SCG5: variants seen among roughly 807,000 people sequenced by gnomAD.
SCG5 encodes secretogranin V.
Under a neutral mutation model 25.7 loss-of-function variants are expected in SCG5, and 18 were observed. The ratio of observed to expected loss-of-function variants is 0.70; its 90% CI spans 0.48 to 1.04. The LOEUF is 1.04. SCG5 is among the 50% of genes least tolerant of loss of function. SCG5 has a pLI of 0.00. For synonymous variants in SCG5, 101 were observed against 91.7 expected (o/e 1.10, Z -0.58); for missense variants, 206 against 259.8 (o/e 0.79, Z 1.42).
intron 5 of SCG5, 104 bp downstream of exon 5, chr15:32,691,867 C>T (rs2140611179): frequency 6.5e-7 from 1 of 1,544,088 alleles, no homozygotes; most frequent in Middle Eastern, 1.7e-4. Flanking sequence ...CAGAATCCTC[C>T]CTTGTGTAGT....
intron 1 of SCG5, among the ~76,000 whole-genome samples, chr15:32,642,568 CAAAAAAAAAAA>C (rs11338067): frequency 6.0e-5 from 3 of 49,730 alleles, no homozygotes; most frequent in African/African-American, 2.5e-4. Flanking sequence ...AACTCCGTCT[CAAAAAAAAAAA>C]AAAAAAAAAA....
At chr15:32,686,275 T>C (rs910903990) in intron 4 of SCG5, among the ~76,000 whole-genome samples, 1 of 152,184 alleles carries the variant, frequency 6.6e-6, no homozygotes, top group African/African-American at 2.4e-5. Context: ...ACTGAAATAA[T>C]AAAAGCCTTC....
At chr15:32,674,783 G>C (rs1267186677) in intron 2 of SCG5, among the ~76,000 whole-genome samples, 1 of 152,200 alleles carries the variant, frequency 6.6e-6, no homozygotes, top group Non-Finnish European at 1.5e-5. Context: ...AACCTCAAAG[G>C]GATACGTACA....
intron 4 of SCG5, among the ~76,000 whole-genome samples, chr15:32,689,108 A>G (rs2054792921): frequency 6.6e-6 from 1 of 152,154 alleles, no homozygotes; most frequent in Non-Finnish European, 1.5e-5. Flanking sequence ...TAGCTGCAAA[A>G]TGATGATTTT....
chr15:32,696,311 G>A (rs554209541), intron 5 of SCG5, among the ~76,000 whole-genome samples: 55 of 152,038 alleles, frequency 3.6e-4, no homozygotes, highest in Non-Finnish European at 7.1e-4. Context: ...TACAGACGGG[G>A]TTTCACCGTG....
chr15:32,692,219 A>T, intron 5 of SCG5: 1 of 996,036 alleles, frequency 1.0e-6, no homozygotes, highest in Non-Finnish European at 1.2e-6. Context: ...TCGGGAGCAA[A>T]AGATGAGATG....
chr15:32,674,262 C>G (rs1001467391), intron 2 of SCG5, among the ~76,000 whole-genome samples: 1 of 152,158 alleles, frequency 6.6e-6, no homozygotes, highest in Non-Finnish European at 1.5e-5. Context: ...TGAAACAGCA[C>G]GTTCTCTCTA....
intron 2 of SCG5, among the ~76,000 whole-genome samples, chr15:32,655,408 C>T (rs752318925): frequency 6.6e-5 from 10 of 152,148 alleles, no homozygotes; most frequent in Non-Finnish European, 1.2e-4. Flanking sequence ...ACCCATTTTC[C>T]CCTTTTCCTC....
At chr15:32,680,025 G>A (rs1417806751) in intron 3 of SCG5, 110 bp downstream of exon 3, 5 of 1,023,864 alleles carry the variant, frequency 4.9e-6, no homozygotes, top group Non-Finnish European at 7.2e-6. Context: ...CCATTCTGAT[G>A]AGCCCATGTG....
Position 32,643,658 on chromosome 15 carries a change from T to C in SCG5, c.66T>C (p.Thr22=), listed in dbSNP as rs1328871556. The part of the protein sequence containing the change: ...GLLFWLASGW[T]PAFAYSPRTP... ...TGTTTTGGCTGGCATCTGGATGGAC[T>C]CCAGCATTTGCTTACAGCCCCCGGA... The change falls in exon 2 of 6, where the codon ACT becomes ACC. Residue 22 remains threonine, a synonymous_variant. Transcript: ENST00000300175. 3 of 1,613,840 alleles carry C rather than the reference T, an allele frequency of 1.9e-6. No homozygotes were observed. Among genetic ancestry groups the C allele is most frequent in the African/African-American group, 2.7e-5 (2 of 74,900 alleles).
intron 2 of SCG5, chr15:32,672,952 A>G (rs752383583): frequency 1.3e-5 from 2 of 151,082 alleles, no homozygotes; most frequent in Non-Finnish European, 2.9e-5. Context: ...GTGACGAAGT[A>G]ACGCAGGTCC....
intron 2 of SCG5, among the ~76,000 whole-genome samples, chr15:32,663,990 ATCTC>A (rs2054280492): frequency 6.6e-6 from 1 of 152,210 alleles, no homozygotes; most frequent in South Asian, 2.1e-4. Flanking sequence ...GCTGGAAAAT[ATCTC>A]CCATGTGGTA....
rs146039834 is a variant in SCG5 at position 32,662,568 on chromosome 15, A to T, written c.227-17198A>T. On this transcript the variant is annotated intron_variant, in intron 2 of 5. Transcript: ENST00000300175. ...CTAATTTTTGTCTATCCACTTTAAG[A>T]TTTGTTTCTTTCCATTTTCACATGT... 4.6e-3 allele frequency among the ~76,000 whole-genome samples: 702 copies of T among 152,024 alleles called. 6 individuals are homozygous for T. The highest frequency in any genetic ancestry group is 0.016 in the African/African-American group (683 of 41,508).
chr15:32,687,844 G>A lies in SCG5; in HGVS notation c.489+3175G>A, dbSNP rs552827653. ...ACACATCATATGCCTTCCGGGCCCC[G>A]TGTTAGGTAATGGGAATACAAAGAT... On this transcript the variant is annotated intron_variant, in intron 4 of 5. Coordinates refer to ENST00000300175, the MANE Select transcript of SCG5 (RefSeq NM_001144757.3). Among the ~76,000 whole-genome samples, 6 of 152,254 alleles carry A rather than the reference G, an allele frequency of 3.9e-5. No homozygotes were observed. The South Asian group carries it at 8.3e-4, about 21-fold the overall frequency.
chr15:32,687,979 A>C (rs923340447), intron 4 of SCG5, among the ~76,000 whole-genome samples: 2 of 152,198 alleles, frequency 1.3e-5, no homozygotes, highest in Non-Finnish European at 2.9e-5. Context: ...CTAAATACTC[A>C]GTAATCTTAT....
At chr15:32,645,539 C>T (rs1002780589) in intron 2 of SCG5, among the ~76,000 whole-genome samples, 3 of 152,064 alleles carry the variant, frequency 2.0e-5, no homozygotes, top group South Asian at 2.1e-4. Flanking sequence ...AAGCTGCCGC[C>T]GTGGAAGCAA....
At chr15:32,696,136 G>T (rs1226224702) in intron 5 of SCG5, among the ~76,000 whole-genome samples, 4 of 147,014 alleles carry the variant, frequency 2.7e-5, no homozygotes, top group African/African-American at 7.5e-5. Context: ...TTTTTTTTTT[G>T]AGACAAAATC....
chr15:32,679,171 G>A (rs758937678), intron 2 of SCG5, among the ~76,000 whole-genome samples: 4 of 150,824 alleles, frequency 2.7e-5, no homozygotes, highest in Non-Finnish European at 5.9e-5. Context: ...TCAGCCAAAT[G>A]GAACTCTCCC....
intron 2 of SCG5, among the ~76,000 whole-genome samples, chr15:32,646,014 T>C (rs2053939134): frequency 1.3e-5 from 2 of 151,770 alleles, no homozygotes; most frequent in Non-Finnish European, 2.9e-5. Flanking sequence ...GAGATGGGGT[T>C]TCACCGTGTT....
Sources: allele counts gnomAD v4.1 joint callset (sites outside exome capture counted in the v4.1 genomes callset), GRCh38; gene constraint gnomAD v4.1.1; transcripts MANE v1.5; gene names NCBI Gene and HGNC (gene_info 2026-07-23, HGNC 2026-07-21).